The following RGS7 variants were observed in gnomAD, a reference collection of about 807,000 sequenced individuals.
RGS7 encodes regulator of G protein signaling 7.
A neutral mutation model predicts 81.1 loss-of-function variants in RGS7; 27 were observed. The ratio of observed to expected loss-of-function variants is 0.33; its 90% CI spans 0.25 to 0.46. The LOEUF is 0.46. Among genes scored for constraint, RGS7 ranks in the 20% least tolerant of loss-of-function variants. The probability of loss-of-function intolerance (pLI) is 1.00; values close to 1 mark genes in which losing one functional copy is unlikely to be tolerated. For missense variants in RGS7, 396 were observed against 607.4 expected (o/e 0.65, Z 3.66); for synonymous variants, 208 against 207.7 (o/e 1.00, Z -0.01).
At chr1:240,963,757 T>C (rs754778648) in intron 4 of RGS7, among the ~76,000 whole-genome samples, 1 of 152,188 alleles carries the variant, frequency 6.6e-6, no homozygotes, top group Non-Finnish European at 1.5e-5. Context: ...ATAGCTAGCG[T>C]GGACCATGAA....
chr1:241,354,970 T>C (rs2083464677), intron 2 of RGS7, among the ~76,000 whole-genome samples: 1 of 152,186 alleles, frequency 6.6e-6, no homozygotes, highest in East Asian at 1.9e-4. Context: ...GCACATGTAA[T>C]AGTTAAACGC....
intron 9 of RGS7, among the ~76,000 whole-genome samples, chr1:240,844,092 A>G (rs1658621531): frequency 1.3e-5 from 2 of 152,152 alleles, no homozygotes; most frequent in Admixed American, 1.3e-4. Context: ...TCAAACCTAC[A>G]AGGATTGCAA....
intron 4 of RGS7, among the ~76,000 whole-genome samples, chr1:240,980,771 T>C (rs1684794985): frequency 1.3e-5 from 2 of 152,164 alleles, no homozygotes; most frequent in Admixed American, 1.3e-4. Flanking sequence ...GTACAGAGCC[T>C]TGGATTTTGT....
intron 4 of RGS7, among the ~76,000 whole-genome samples, chr1:240,954,523 T>C (rs1344182933): frequency 6.7e-6 from 1 of 148,856 alleles, no homozygotes; most frequent in Non-Finnish European, 1.5e-5. Flanking sequence ...TGACAAGAAA[T>C]CATTAGACAG....
chr1:241,328,087 T>G (rs1157453529), intron 2 of RGS7, among the ~76,000 whole-genome samples: 5 of 152,184 alleles, frequency 3.3e-5, no homozygotes, highest in African/African-American at 1.2e-4. Flanking sequence ...TTTTATGAAG[T>G]CAGGATTGTT....
At chr1:241,023,656 T>C (rs1416984287) in intron 3 of RGS7, among the ~76,000 whole-genome samples, 1 of 152,256 alleles carries the variant, frequency 6.6e-6, no homozygotes, top group African/African-American at 2.4e-5. Flanking sequence ...TTATCTTCCC[T>C]AATGCAATAG....
intron 2 of RGS7, among the ~76,000 whole-genome samples, chr1:241,303,615 T>A (rs1215259861): frequency 6.6e-6 from 1 of 152,224 alleles, no homozygotes; most frequent in Non-Finnish European, 1.5e-5. Context: ...TCAGTTTGTA[T>A]GTCTGAATAG....
rs546305884 is a variant in RGS7 at position 241,156,408 on chromosome 1, A to C, written c.79-57646T>G. On this transcript the variant is annotated intron_variant, in intron 2 of 18. Coordinates refer to ENST00000440928, the MANE Select transcript of RGS7 (RefSeq NM_001364886.1). ...GTGCTCCCAGATACTAGGAAGGCTGAGGCAAGAGGATCACAGGAGCCCAGG... is the reference window on the plus strand; with the variant it reads ...GTGCTCCCAGATACTAGGAAGGCTGCGGCAAGAGGATCACAGGAGCCCAGG... Among the ~76,000 whole-genome samples the C allele has an allele frequency of 2.6e-5, 4 of 152,102 alleles. No individual in the cohort carries two copies. In the Middle Eastern group the frequency reaches 0.01, roughly 388 times the overall value.
At chr1:241,253,035 T>C (rs1393463335) in intron 2 of RGS7, among the ~76,000 whole-genome samples, 5 of 152,146 alleles carry the variant, frequency 3.3e-5, no homozygotes, top group African/African-American at 1.2e-4. Context: ...TGAGACAGAG[T>C]TCTACAGTGA....
chr1:241,180,546 G>A (rs1292802882), intron 2 of RGS7, among the ~76,000 whole-genome samples: 1 of 152,150 alleles, frequency 6.6e-6, no homozygotes, highest in Admixed American at 6.5e-5. Context: ...CTCATTGTAT[G>A]GCAACTACAA....
intron 3 of RGS7, among the ~76,000 whole-genome samples, chr1:241,061,285 T>A (rs2061726895): frequency 6.6e-6 from 1 of 152,198 alleles, no homozygotes; most frequent in Non-Finnish European, 1.5e-5. Flanking sequence ...TGCGTTTGAG[T>A]CATTTAAGTA....
At chr1:241,032,935 T>A (rs1168683051) in intron 3 of RGS7, among the ~76,000 whole-genome samples, 4 of 151,814 alleles carry the variant, frequency 2.6e-5, no homozygotes, top group African/African-American at 9.7e-5. Flanking sequence ...GCAGAGATAA[T>A]TTGATTTCCT....
intron 2 of RGS7, among the ~76,000 whole-genome samples, chr1:241,227,436 A>C (rs2815861): frequency 6.6e-6 from 1 of 151,750 alleles, no homozygotes; most frequent in Non-Finnish European, 1.5e-5. Flanking sequence ...GCCCAGGACA[A>C]AGTTTTATTT....
At chr1:241,100,374 CAA>C (rs753787286) in intron 2 of RGS7, among the ~76,000 whole-genome samples, 816 of 80,436 alleles carry the variant, frequency 0.01, 5 homozygotes, top group African/African-American at 0.03. Context: ...GACTCCATTT[CAA>C]AAAAAAAAAA....
At chr1:241,040,924 C>T (rs1011392778) in intron 3 of RGS7, among the ~76,000 whole-genome samples, 2 of 152,164 alleles carry the variant, frequency 1.3e-5, no homozygotes, top group East Asian at 1.9e-4. Flanking sequence ...GGAACATGCA[C>T]GTGCAACTCC....
In RGS7 at chr1:241,271,987, T is replaced by C. The variant is rs377161151; in HGVS notation, c.78+83712A>G. Among the ~76,000 whole-genome samples the C allele has an allele frequency of 1.3e-4, 19 of 140,886 alleles. No homozygotes were observed. The highest frequency in any genetic ancestry group is 3.7e-4 in the African/African-American group (14 of 37,732). The allele number at this position is 140,886 out of a possible 152,430, so 92.4% of individuals were successfully genotyped here. On this transcript the variant is annotated intron_variant, in intron 2 of 18. Transcript: ENST00000440928. This position sits in a 1 kb window ranked among gnomAD's most constrained non-coding sequence, Gnocchi z 4.6. ...GAACCCTGACTACTAGAATTTCTTT[T>C]TTTTTTTTTTTATTTTTATTTTTTG...
intron 3 of RGS7, among the ~76,000 whole-genome samples, chr1:240,990,133 G>C (rs1686248455): frequency 6.6e-6 from 1 of 152,186 alleles, no homozygotes; most frequent in African/African-American, 2.4e-5. Context: ...TCAGCCAACT[G>C]TGGCAAGAAA....
chr1:241,298,872 A>AT (rs1573561427), intron 2 of RGS7, among the ~76,000 whole-genome samples: 1 of 152,124 alleles, frequency 6.6e-6, no homozygotes, highest in Non-Finnish European at 1.5e-5. Context: ...TTTTTATTTT[A>AT]TTTTTTTCCA....
chr1:241,097,216 G>T (rs1194386053), intron 3 of RGS7, among the ~76,000 whole-genome samples: 2 of 151,824 alleles, frequency 1.3e-5, no homozygotes, highest in East Asian at 2.0e-4. Context: ...AAGCAGAATG[G>T]CCTGTAAGTG....
Sources: allele counts gnomAD v4.1 joint callset (sites outside exome capture counted in the v4.1 genomes callset), GRCh38; gene constraint gnomAD v4.1.1; non-coding constraint Gnocchi (gnomAD v3.1); transcripts MANE v1.5; gene names NCBI Gene and HGNC (gene_info 2026-07-23, HGNC 2026-07-21).